The following HTN3 variants were observed in gnomAD, a reference collection of about 807,000 sequenced individuals.
The protein encoded by HTN3 is histatin-3.
A neutral mutation model predicts 10.6 loss-of-function variants in HTN3; 15 were observed. That is an observed-to-expected ratio of 1.42 (90% confidence interval 0.95 to 2.18). HTN3 has a LOEUF of 2.18. Ranked by LOEUF, HTN3 falls within the 30% of genes most tolerant of loss-of-function variation. HTN3 has a pLI of 0.00. For missense variants in HTN3, 68 were observed against 58.0 expected, an observed-to-expected ratio of 1.17 and a Z score of -0.56; for synonymous variants, 15 against 16.9, an observed-to-expected ratio of 0.89 and a Z score of 0.27.
chr4:70,036,108 A>C (rs915219419), intron 5 of HTN3, among the ~76,000 whole-genome samples, 159 bp from the exon 6 acceptor site: 1 of 152,282 alleles, frequency 6.6e-6, no homozygotes, highest in African/African-American at 2.4e-5. Flanking sequence ...TGAGTATTTA[A>C]TTGTTTAATT....
At chr4:70,034,368 A>T (rs532574483) in intron 5 of HTN3, 2 of 152,316 alleles carry the variant, frequency 1.3e-5, no homozygotes, top group South Asian at 4.1e-4. Context: ...CAAGACAAAA[A>T]CAAAAAACCC....
At chr4:70,029,558 T>C (rs1725324079) in intron 1 of HTN3, among the ~76,000 whole-genome samples, 1 of 152,046 alleles carries the variant, frequency 6.6e-6, no homozygotes, top group African/African-American at 2.4e-5. Context: ...TTTTAAAATA[T>C]TATCTATTAA....
intron 5 of HTN3, among the ~76,000 whole-genome samples, chr4:70,035,928 A>C (rs1325112286): frequency 6.6e-6 from 1 of 152,172 alleles, no homozygotes; most frequent in African/African-American, 2.4e-5. Flanking sequence ...GATGACATTT[A>C]ATCAGGGGAG....
At chr4:70,033,702 G>A (rs1039118232) in intron 5 of HTN3, among the ~76,000 whole-genome samples, 2 of 152,178 alleles carry the variant, frequency 1.3e-5, no homozygotes, top group African/African-American at 4.8e-5. Flanking sequence ...ACTTTGGGCA[G>A]TAAGGCCATT....
At chr4:70,029,441 T>C (rs1374284307) in intron 1 of HTN3, among the ~76,000 whole-genome samples, 1 of 152,080 alleles carries the variant, frequency 6.6e-6, no homozygotes, top group Non-Finnish European at 1.5e-5. Flanking sequence ...CTTTCTGTGA[T>C]AGAGATGTAG....
At chr4:70,034,779 G>A (rs1306423837) in intron 5 of HTN3, among the ~76,000 whole-genome samples, 1 of 152,150 alleles carries the variant, frequency 6.6e-6, no homozygotes, top group African/African-American at 2.4e-5. Context: ...ATTTACAATA[G>A]CAAAGACATG....
chr4:70,030,808 G>C lies in HTN3; in HGVS notation c.51+17G>C. On this transcript the variant is annotated intron_variant, in intron 2 of 5. Coordinates refer to ENST00000673563, the MANE Select transcript of HTN3 (RefSeq NM_000200.3). Reference sequence around the variant, plus strand: ...TCCATGACTGTAAGTATATCTGGAAGTTTTAAAGGATACATTCTCAGTACT... The same window carrying C: ...TCCATGACTGTAAGTATATCTGGAACTTTTAAAGGATACATTCTCAGTACT... 1.9e-6 allele frequency: 3 copies of C among 1,593,952 alleles called. No individual in the cohort carries two copies. Among genetic ancestry groups the C allele is most frequent in the Non-Finnish European group, 2.6e-6 (3 of 1,162,034 alleles).
intron 2 of HTN3, chr4:70,031,000 T>A (rs1462826436): frequency 1.7e-5 from 7 of 401,910 alleles, no homozygotes; most frequent in Non-Finnish European, 3.1e-5. Context: ...CAAGTACAAT[T>A]ACTTGAATAT....
At chr4:70,030,431 G>C (rs560584398) in intron 1 of HTN3, among the ~76,000 whole-genome samples, 38 of 152,284 alleles carry the variant, frequency 2.5e-4, no homozygotes, top group Non-Finnish European at 4.9e-4. Flanking sequence ...TTTCAGAACA[G>C]TCTGGGCAAT....
chr4:70,033,015 G>GT, intron 4 of HTN3, 152 bp from the exon 5 acceptor site: 1 of 568,678 alleles, frequency 1.8e-6, no homozygotes, highest in Non-Finnish European at 3.1e-6. Flanking sequence ...GAAGAAAAAT[G>GT]TAACTAAAAA....
chr4:70,032,422 T>A (rs1725406190), intron 4 of HTN3, among the ~76,000 whole-genome samples: 2 of 152,086 alleles, frequency 1.3e-5, no homozygotes, highest in South Asian at 4.1e-4. Flanking sequence ...TAATTCCTAA[T>A]TCTATGAAGT....
intron 4 of HTN3, 36 bp downstream of exon 4, chr4:70,032,143 G>A (rs1248771143): frequency 2.2e-6 from 3 of 1,357,216 alleles, no homozygotes; most frequent in Admixed American, 1.8e-5. Context: ...CTCTGAATAA[G>A]TTTTCTTCTC....
At chr4:70,030,853 A>G (rs1297211903) in intron 2 of HTN3, 62 bp downstream of exon 2, 5 of 1,246,270 alleles carry the variant, frequency 4.0e-6, no homozygotes, top group Non-Finnish European at 5.9e-6. Context: ...GATCTTTCTT[A>G]TTCCTTACGT....
intron 5 of HTN3, among the ~76,000 whole-genome samples, chr4:70,034,568 G>A (rs536310754): frequency 6.6e-5 from 10 of 152,214 alleles, no homozygotes; most frequent in Non-Finnish European, 1.2e-4. Flanking sequence ...TGATGGCTAG[G>A]TTGTGGAGAG....
In HTN3 at chr4:70,033,227, C is replaced by T; in HGVS notation, c.*7C>T. ...TTATCTGTATGACAATTGATATCTT[C>T]AGTAATCACGGGGCATGATTATGGA... On this transcript the variant is annotated 3_prime_UTR_variant, in exon 5 of 6. Transcript: ENST00000673563. 1 of 1,567,058 alleles carries T rather than the reference C, an allele frequency of 6.4e-7. No homozygotes were observed. Among genetic ancestry groups the T allele is most frequent in the African/African-American group, 1.4e-5 (1 of 73,102 alleles).
At chr4:70,034,586 C>T (rs1045362764) in intron 5 of HTN3, among the ~76,000 whole-genome samples, 3 of 152,174 alleles carry the variant, frequency 2.0e-5, no homozygotes, top group Admixed American at 1.3e-4. Flanking sequence ...GAGATAGGAA[C>T]ACTTTTTCAC....
intron 5 of HTN3, chr4:70,034,195 A>G (rs1725453892): frequency 6.6e-6 from 1 of 152,224 alleles, no homozygotes; most frequent in Non-Finnish European, 1.5e-5. Flanking sequence ...ACAAAAGCCA[A>G]AATTCACAAA....
Position 70,030,758 on chromosome 4 carries a change from T to A in HTN3, c.18T>A (p.Phe6Leu), listed in dbSNP as rs777028280. 4.3e-5 allele frequency: 70 copies of A among 1,612,620 alleles called. No homozygotes were observed. The highest frequency in any genetic ancestry group is 5.4e-5 in the Non-Finnish European group (64 of 1,178,934). Reference protein sequence around the residue: MKFFVFALILALMLSM... With the variant: MKFFVLALILALMLSM... ...AGCCAACTATGAAGTTTTTTGTTTT[T>A]GCTTTAATCTTGGCTCTCATGCTTT... The change falls in exon 2 of 6, where the codon TTT becomes TTA. Residue 6 changes from phenylalanine to leucine, a missense_variant. Physicochemically the swap from Phe to Leu is conservative, Grantham distance 22 (BLOSUM62 0). Transcript: ENST00000673563.
At chr4:70,036,074 T>G (rs1431582132) in intron 5 of HTN3, among the ~76,000 whole-genome samples, 193 bp from the exon 6 acceptor site, 4 of 152,204 alleles carry the variant, frequency 2.6e-5, no homozygotes. Context: ...ATGATAATTT[T>G]TATTTATTCT....
Sources: allele counts gnomAD v4.1 joint callset (sites outside exome capture counted in the v4.1 genomes callset), GRCh38; gene constraint gnomAD v4.1.1; transcripts MANE v1.5; gene names NCBI Gene and HGNC (gene_info 2026-07-23, HGNC 2026-07-21).